The following CHKA variants were observed in gnomAD, a reference collection of about 807,000 sequenced individuals.
CHKA encodes choline kinase alpha.
CHKA carries 34 observed loss-of-function variants against 60.1 expected under a neutral mutation model. The ratio of observed to expected loss-of-function variants is 0.57; its 90% confidence interval spans 0.43 to 0.75. The LOEUF (loss-of-function observed/expected upper bound fraction) is 0.75, where lower values mean the gene tolerates loss of function less well. Ranked by LOEUF, CHKA falls within the 30% of genes least tolerant of loss-of-function variation. CHKA has a pLI of 0.00. For missense variants in CHKA, 563 were observed against 561.3 expected (o/e 1.00, Z -0.03); for synonymous variants, 217 against 223.1 (o/e 0.97, Z 0.24).
intron 10 of CHKA, among the ~76,000 whole-genome samples, chr11:68,063,118 C>A (rs1001473877): frequency 1.3e-5 from 2 of 152,074 alleles, no homozygotes; most frequent in Non-Finnish European, 2.9e-5. Context: ...GACTTAAAAC[C>A]GATAAACATA....
At chr11:68,097,635 CAA>C (rs386374052) in intron 1 of CHKA, among the ~76,000 whole-genome samples, 8 of 111,838 alleles carry the variant, frequency 7.2e-5, no homozygotes, top group African/African-American at 7.0e-5. Flanking sequence ...GACTCCGTCT[CAA>C]AAAAAAAAAA....
At chr11:68,089,169 G>C (rs1274113287) in intron 2 of CHKA, among the ~76,000 whole-genome samples, 1 of 152,166 alleles carries the variant, frequency 6.6e-6, no homozygotes, top group African/African-American at 2.4e-5. Flanking sequence ...TGGAAGCCCA[G>C]GTTTTAAAAA....
At chr11:68,070,451 C>T (rs1161073743) in intron 5 of CHKA, among the ~76,000 whole-genome samples, 158 bp from the exon 6 acceptor site, 1 of 152,142 alleles carries the variant, frequency 6.6e-6, no homozygotes, top group East Asian at 1.9e-4. Context: ...AGAGGAGTGG[C>T]CTTGGGGGTT....
At chr11:68,110,347 GA>G (rs1858086308) in intron 1 of CHKA, among the ~76,000 whole-genome samples, 1 of 152,018 alleles carries the variant, frequency 6.6e-6, no homozygotes, top group Non-Finnish European at 1.5e-5. Context: ...TATCTATGTA[GA>G]AAATCAGAAA....
chr11:68,081,536 G>T, intron 2 of CHKA, 79 bp from the exon 3 acceptor site: 1 of 1,159,994 alleles, frequency 8.6e-7, no homozygotes, highest in Non-Finnish European at 1.3e-6. Context: ...CACCAGAACA[G>T]TCAGGGTTTA....
At chr11:68,104,827 G>A (rs1344540036) in intron 1 of CHKA, among the ~76,000 whole-genome samples, 2 of 152,022 alleles carry the variant, frequency 1.3e-5, no homozygotes, top group African/African-American at 2.4e-5. Flanking sequence ...AATTCTGGCC[G>A]GGCACAGTGG....
chr11:68,055,258 C>T (rs1477256403), intron 11 of CHKA, among the ~76,000 whole-genome samples: 2 of 152,088 alleles, frequency 1.3e-5, no homozygotes, highest in Non-Finnish European at 2.9e-5. Context: ...GGTGCGGTGG[C>T]GGGCGCCTGT....
At chr11:68,092,606 A>G (rs1857384932) in intron 2 of CHKA, among the ~76,000 whole-genome samples, 1 of 152,206 alleles carries the variant, frequency 6.6e-6, no homozygotes, top group African/African-American at 2.4e-5. Context: ...CTTTTGTACC[A>G]TAGCCATCTT....
chr11:68,067,388 A>T (rs746172948), intron 7 of CHKA, among the ~76,000 whole-genome samples: 4 of 152,308 alleles, frequency 2.6e-5, no homozygotes, highest in Non-Finnish European at 4.4e-5. Flanking sequence ...GGATCACTTA[A>T]GTCCAGGAGT....
chr11:68,101,187 A>C (rs1857706086), intron 1 of CHKA, among the ~76,000 whole-genome samples: 1 of 151,942 alleles, frequency 6.6e-6, no homozygotes, highest in Non-Finnish European at 1.5e-5. Context: ...TGACCTCATG[A>C]TCTACCTGTC....
In CHKA at chr11:68,064,639, A is replaced by C; in HGVS notation, c.1126-8T>G. The stretch of plus-strand genomic sequence containing the variant: ...ACTGGAAATAAAATGGAGCTTAAAA[A>C]AAAGTAATTGTGTTAGGATCAATGA... On this transcript the variant is annotated splice_polypyrimidine_tract_variant and splice_region_variant and intron_variant, in intron 9 of 11. Coordinates refer to ENST00000265689, the MANE Select transcript of CHKA (RefSeq NM_001277.3). 1 of 1,518,548 alleles carries C rather than the reference A, an allele frequency of 6.6e-7. No homozygotes were observed. Among genetic ancestry groups the C allele is most frequent in the African/African-American group, 1.4e-5 (1 of 71,932 alleles). The allele number at this position is 1,518,548 out of a possible 1,614,324, so 94.1% of individuals were successfully genotyped here.
chr11:68,054,108 G>A (rs1855906269), intron 11 of CHKA, 61 bp from the exon 12 acceptor site: 2 of 1,428,760 alleles, frequency 1.4e-6, no homozygotes, highest in Non-Finnish European at 2.0e-6. Flanking sequence ...CCCTGCCCAT[G>A]TGTCCCCCAA....
chr11:68,092,028 C>T (rs968659318), intron 2 of CHKA, among the ~76,000 whole-genome samples: 6 of 152,174 alleles, frequency 3.9e-5, no homozygotes, highest in African/African-American at 1.4e-4. Flanking sequence ...GGAGTGAATT[C>T]TAACCCATCT....
At chr11:68,069,046 G>C (rs1856533038) in intron 6 of CHKA, 109 bp from the exon 7 acceptor site, 1 of 731,058 alleles carries the variant, frequency 1.4e-6, no homozygotes, top group African/African-American at 1.7e-5. Context: ...GCAACACACA[G>C]TTTCAGAGTA....
Position 68,120,831 on chromosome 11 carries a change from A to G in CHKA, c.347T>C (p.Ile116Thr). ...CCCCAGACCCGGCGCCACCGACCTG[A>G]TGACACTGATGTGGAACTCGTCCTC... The part of the protein sequence containing the change: ...LREDEFHISV[I>T]RGGLSNMLFQ... Residue 116 changes from isoleucine (I) to threonine (T), a missense_variant, in exon 1 of 12, where the codon ATC (isoleucine) becomes ACC (threonine). Transcript: ENST00000265689. The G allele has an allele frequency of 7.8e-7, 1 of 1,284,402 alleles. No individual in the cohort carries two copies. The highest frequency in any genetic ancestry group is 1.6e-5 in the South Asian group (1 of 60,912). The allele number at this position is 1,284,402 out of a possible 1,614,324, so 79.6% of individuals were successfully genotyped here. A position where few individuals can be genotyped will look rare whatever the true frequency, so the allele number is the denominator to read the frequency against.
chr11:68,078,782 A>G (rs1856873623), intron 3 of CHKA, among the ~76,000 whole-genome samples: 2 of 152,226 alleles, frequency 1.3e-5, no homozygotes, highest in African/African-American at 4.8e-5. Flanking sequence ...ACAAATAACA[A>G]AAGAATTGTT....
intron 2 of CHKA, among the ~76,000 whole-genome samples, chr11:68,091,364 A>C (rs532274066): frequency 3.9e-5 from 6 of 152,252 alleles, no homozygotes; most frequent in Non-Finnish European, 8.8e-5. Context: ...ACATGCATTA[A>C]GATCAGACCA....
intron 10 of CHKA, among the ~76,000 whole-genome samples, chr11:68,062,974 G>T (rs1435610877): frequency 6.6e-6 from 1 of 152,130 alleles, no homozygotes; most frequent in Non-Finnish European, 1.5e-5. Context: ...AATGTCACAG[G>T]AGACCCCAAA....
chr11:68,120,768 C>T (rs533034767), intron 1 of CHKA, 60 bp downstream of exon 1: 3 of 864,414 alleles, frequency 3.5e-6, no homozygotes, highest in East Asian at 1.2e-4. Context: ...CCGGACCCCG[C>T]CCCGGCCCCG....
Sources: allele counts gnomAD v4.1 joint callset (sites outside exome capture counted in the v4.1 genomes callset), GRCh38; gene constraint gnomAD v4.1.1; transcripts MANE v1.5; gene names NCBI Gene and HGNC (gene_info 2026-07-23, HGNC 2026-07-21).